CNOT3: variants seen among roughly 807,000 people sequenced by gnomAD.
CNOT3 encodes the protein CCR4-associated factor 3.
In CNOT3, 2 loss-of-function variants were observed where a neutral mutation model predicts 89.4. The observed-to-expected ratio is 0.02, with a 90% CI of 0.01 to 0.07. CNOT3 has a LOEUF of 0.07. Ranked by LOEUF, CNOT3 falls within the 10% of genes least tolerant of loss-of-function variation. CNOT3 has a pLI of 1.00. For missense variants in CNOT3, 664 were observed against 1,010.2 expected, an observed-to-expected ratio of 0.66 and a Z score of 4.65; for synonymous variants, 486 against 402.0, an observed-to-expected ratio of 1.21 and a Z score of -2.50.
rs1352326205 is a variant in CNOT3 at position 54,152,886 on chromosome 19, C to T, written c.1924C>T (p.Pro642Ser). 4.6e-6 allele frequency: 7 copies of T among 1,506,974 alleles called. No individual in the cohort carries two copies. Among genetic ancestry groups the T allele is most frequent in the Non-Finnish European group, 6.4e-6 (7 of 1,100,862 alleles). 93.4% of individuals were successfully genotyped at this position (1,506,974 alleles called of 1,614,324 possible). The part of the protein sequence containing the change: ...ERIRQYLPRN[P>S]CPTPPYHHQM... ...TCACAGGCAGTACCTCCCCCGGAAC[C>T]CCTGTCCGACGCCCCCCTACCACCA... Residue 642 changes from proline to serine, a missense_variant, in exon 16 of 18, where the codon CCC (proline) becomes TCC (serine). Coordinates refer to ENST00000221232, the MANE Select transcript of CNOT3 (RefSeq NM_014516.4).
At chr19:54,138,211 C>T (rs1445002985) in intron 1 of CNOT3, among the ~76,000 whole-genome samples, 6 of 151,936 alleles carry the variant, frequency 3.9e-5, no homozygotes, top group Admixed American at 3.3e-4. Context: ...CTTTCACGTT[C>T]CTCAGCGCCT....
Position 54,148,554 on chromosome 19 carries a change from G to T in CNOT3, c.1282+19G>T. 1 of 1,575,104 alleles carries T rather than the reference G, an allele frequency of 6.3e-7. No individual in the cohort carries two copies. Among genetic ancestry groups the T allele is most frequent in the East Asian group, 2.3e-5 (1 of 43,502 alleles). On this transcript the variant is annotated intron_variant, in intron 11 of 17. Coordinates refer to ENST00000221232, the MANE Select transcript of CNOT3 (RefSeq NM_014516.4). The surrounding 1 kb of genome is among the most constrained non-coding windows in gnomAD (Gnocchi z 6.3). ...GCCACCAGTGAGTGAGGAGGCAGCGGGGTGGGGGGCGTGGGCGGGGCTGGG... is the reference window on the plus strand; with the variant it reads ...GCCACCAGTGAGTGAGGAGGCAGCGTGGTGGGGGGCGTGGGCGGGGCTGGG...
intron 12 of CNOT3, among the ~76,000 whole-genome samples, 168 bp from the exon 13 acceptor site, chr19:54,149,392 C>T (rs1204196779): frequency 1.3e-5 from 2 of 151,838 alleles, no homozygotes; most frequent in South Asian, 2.1e-4. Flanking sequence ...TGGGCTCTGC[C>T]TTTGTTTGCC....
In CNOT3 at chr19:54,145,934, C is replaced by G. The variant is rs2074649309; in HGVS notation, c.728C>G (p.Pro243Arg). Residue 243 changes from proline to arginine, a missense_variant, in exon 9 of 18, where the codon CCC (proline) becomes CGC (arginine). This residue lies in a region of CNOT3 where 545 missense variants were observed against 566.2 expected (regional missense o/e 0.96). Transcript: ENST00000221232. The surrounding 1 kb of genome is among the most constrained non-coding windows in gnomAD (Gnocchi z 5.9). ...GCACAGGCGCTGGTCGCCACCTCCC[C>G]CCCCAGCCACAGCCACATGGAGGAT... Reference protein sequence around the residue: ...DIPQALVATSPPSHSHMEDEI... With the variant: ...DIPQALVATSRPSHSHMEDEI... 2 of 1,613,798 alleles carry G rather than the reference C, an allele frequency of 1.2e-6. No homozygotes were observed. The highest frequency in any genetic ancestry group is 1.1e-5 in the South Asian group (1 of 91,086).
At position 54,138,741 on chromosome 19, in the gene CNOT3, C is replaced by CT. The variant is rs761507773; in HGVS notation, c.-51+750dup. ...GTTTCCACCTCTGTAGTCTGCAGCT[C>CT]TTCCCTCTCATAGCGAGTAGCGCCC... On this transcript the variant is annotated intron_variant, in intron 1 of 17. Coordinates refer to ENST00000221232, the MANE Select transcript of CNOT3 (RefSeq NM_014516.4). Among the ~76,000 whole-genome samples the CT allele has an allele frequency of 5.3e-5, 8 of 152,330 alleles. No homozygotes were observed. The South Asian group carries it at 1.7e-3, about 32-fold the overall frequency.
At chr19:54,146,715 G>A (rs2074692468) in intron 10 of CNOT3, 58 bp downstream of exon 10, 1 of 909,652 alleles carries the variant, frequency 1.1e-6, no homozygotes, top group African/African-American at 1.6e-5. Context: ...GCTTCCCAAA[G>A]GCATCTTGAG....
At chr19:54,139,062 A>C (rs182972098) in intron 1 of CNOT3, among the ~76,000 whole-genome samples, 1 of 152,242 alleles carries the variant, frequency 6.6e-6, no homozygotes, top group East Asian at 1.9e-4. Flanking sequence ...GAAAGACACT[A>C]AGCCGCCACG....
At chr19:54,154,404 G>C (rs1404092519) in intron 17 of CNOT3, 4 of 218,516 alleles carry the variant, frequency 1.8e-5, no homozygotes, top group East Asian at 1.0e-4. Context: ...GAACCTCTGT[G>C]TCTCAATTAA....
intron 3 of CNOT3, 98 bp from the exon 4 acceptor site, chr19:54,143,344 G>T (rs587634985): frequency 1.3e-5 from 18 of 1,347,636 alleles, no homozygotes; most frequent in Middle Eastern, 2.3e-4. Flanking sequence ...GTAGGGGTTG[G>T]GGGGGGTCCT....
chr19:54,138,543 G>T (rs1385124643), intron 1 of CNOT3, among the ~76,000 whole-genome samples: 1 of 152,044 alleles, frequency 6.6e-6, no homozygotes, highest in Non-Finnish European at 1.5e-5. Flanking sequence ...CCCCAGCTGG[G>T]TGGGGGAGTC....
chr19:54,149,667 C>T lies in CNOT3; in HGVS notation c.1514C>T (p.Pro505Leu). ...CTGGTGCCACTGCCTGTGAATCCTC[C>T]CAGCTCCCCAACGCCCAGCTTCAGT... Reference protein sequence around the residue: ...SLLVPLPVNPPSSPTPSFSDA... With the variant: ...SLLVPLPVNPLSSPTPSFSDA... Residue 505 changes from proline (P) to leucine (L), a missense_variant, in exon 13 of 18, where the codon CCC becomes CTC. Pro to Leu is a moderately conservative substitution (Grantham distance 98). Around this residue, in one of 8 missense-constraint regions of CNOT3, gnomAD observed 545 missense variants for 566.2 expected, o/e 0.96. Coordinates refer to ENST00000221232, the MANE Select transcript of CNOT3 (RefSeq NM_014516.4). 6.2e-7 allele frequency: 1 copy of T among 1,614,078 alleles called. No homozygotes were observed. Among genetic ancestry groups the T allele is most frequent in the Non-Finnish European group, 8.5e-7 (1 of 1,179,966 alleles).
chr19:54,143,951 T>C, intron 5 of CNOT3, 55 bp from the exon 6 acceptor site: 1 of 1,578,354 alleles, frequency 6.3e-7, no homozygotes, highest in Non-Finnish European at 8.6e-7. Flanking sequence ...TGCTGGCCCT[T>C]AGTCAGCTCC....
intron 15 of CNOT3, 114 bp downstream of exon 15, chr19:54,152,740 C>A (rs1449771894): frequency 8.0e-6 from 8 of 1,004,812 alleles, no homozygotes; most frequent in Non-Finnish European, 1.1e-5. Flanking sequence ...GGGCTCTCCA[C>A]TGAAGGTCAG....
At position 54,148,219 on chromosome 19, in the gene CNOT3, C is replaced by T; in HGVS notation, c.966C>T (p.Thr322=). ...CTCAGTCCCCAGCTGTGCCGCCCAC[C>T]TACCCCTCCGGCCCCCCGCCTGCTG... ...QHPQSPAVPP[T]YPSGPPPAAS... is the part of the protein sequence containing the mutation. The change falls in exon 11 of 18, where the codon ACC becomes ACT. Residue 322 remains threonine (T), a synonymous_variant. Coordinates refer to ENST00000221232, the MANE Select transcript of CNOT3 (RefSeq NM_014516.4). The surrounding 1 kb of genome is among the most constrained non-coding windows in gnomAD (Gnocchi z 6.3). 6.3e-7 allele frequency: 1 copy of T among 1,596,168 alleles called. No individual in the cohort carries two copies. The highest frequency in any genetic ancestry group is 8.5e-7 in the Non-Finnish European group (1 of 1,171,378).
At chr19:54,141,602 A>C (rs2074452055) in intron 1 of CNOT3, 1 of 152,240 alleles carries the variant, frequency 6.6e-6, no homozygotes, top group Admixed American at 6.5e-5. Context: ...CCAGCATTGC[A>C]AAGTTCTGTT....
chr19:54,149,420 C>T (rs1313571164), intron 12 of CNOT3, 140 bp from the exon 13 acceptor site: 2 of 518,574 alleles, frequency 3.9e-6, no homozygotes, highest in East Asian at 3.2e-5. Context: ...CCACTTCTTT[C>T]TCCCATCTGT....
rs587738502 is a variant in CNOT3, at chr19:54,140,011, G to A, written c.-51+2018G>A. 3.9e-5 allele frequency among the ~76,000 whole-genome samples: 6 copies of A among 152,280 alleles called. No individual in the cohort carries two copies. In the South Asian group the frequency reaches 1.2e-3, roughly 32 times the overall value. ...AGAGCTCCTTGCTGCAGAGGCGGAA[G>A]CTCTCCCAGATCAAAGGTGCCTCAT... On this transcript the variant is annotated intron_variant, in intron 1 of 17. Transcript: ENST00000221232.
At chr19:54,153,360 C>A in intron 16 of CNOT3, 1 of 763,988 alleles carries the variant, frequency 1.3e-6, no homozygotes, top group South Asian at 1.4e-5. Context: ...CCCTGGAGAC[C>A]ACTGGGGAGC....
In CNOT3 at chr19:54,149,568, C is replaced by T. The variant is rs1459648100; in HGVS notation, c.1415C>T (p.Pro472Leu). Residue 472 changes from proline (P) to leucine (L), a missense_variant, in exon 13 of 18, where the codon CCC (proline) becomes CTC (leucine). Coordinates refer to ENST00000221232, the MANE Select transcript of CNOT3 (RefSeq NM_014516.4). Reference protein sequence around the residue: ...HNPPPSTSKEPSAAAPTGAGG... With the variant: ...HNPPPSTSKELSAAAPTGAGG... ...CCATGCTCTCTCTCCAGGAAGGAAC[C>T]CAGTGCGGCAGCCCCAACGGGGGCT... 3.2e-6 allele frequency: 5 copies of T among 1,586,928 alleles called. No homozygotes were observed. The highest frequency in any genetic ancestry group is 4.5e-5 in the East Asian group (2 of 44,528).
Sources: gnomAD v4.1 joint callset for allele counts (sites outside exome capture counted in the v4.1 genomes callset) on GRCh38, gnomAD v4.1.1 for gene constraint, gnomAD v4.1.1 regional missense constraint, Gnocchi (gnomAD v3.1) non-coding constraint, MANE v1.5 for transcripts, NCBI Gene and HGNC (gene_info 2026-07-23, HGNC 2026-07-21) for gene names.